The following IL6ST variants were observed in gnomAD, a reference collection of about 807,000 sequenced individuals.
IL6ST encodes interleukin-6 receptor subunit beta.
IL6ST carries 24 observed loss-of-function variants against 91.3 expected under a neutral mutation model. That is an observed-to-expected ratio of 0.26 (90% CI 0.19 to 0.37). IL6ST has a LOEUF of 0.37. Among genes scored for constraint, IL6ST ranks in the 10% least tolerant of loss-of-function variants. The pLI is 1.00. For missense variants in IL6ST, 914 were observed against 1,078.5 expected (o/e 0.85, Z 2.14); for synonymous variants, 351 against 373.6 (o/e 0.94, Z 0.70).
chr5:55,965,932 T>A (rs938868444), intron 5 of IL6ST, among the ~76,000 whole-genome samples: 3 of 151,998 alleles, frequency 2.0e-5, no homozygotes, highest in African/African-American at 7.2e-5. Context: ...AAATTTATAA[T>A]GAGAAAGAAA....
Position 55,935,867 on chromosome 5 carries a change from C to A in IL6ST, c.*5215G>T. On this transcript the variant is annotated 3_prime_UTR_variant, in exon 17 of 17. Coordinates refer to ENST00000381298, the MANE Select transcript of IL6ST (RefSeq NM_002184.4). ...CTCTCAAGGAGTTACATAATCTTTT[C>A]CAAAGCAGGATGGACTGTATCTATC... The A allele has an allele frequency of 4.6e-6, 1 of 218,156 alleles. No homozygotes were observed. The highest frequency in any genetic ancestry group is 2.2e-5 in the African/African-American group (1 of 44,594). 13.5% of individuals were successfully genotyped at this position (218,156 alleles called of 1,614,324 possible).
At chr5:55,969,925 A>G in intron 3 of IL6ST, 70 bp from the exon 4 acceptor site, 1 of 1,006,116 alleles carries the variant, frequency 9.9e-7, no homozygotes, top group Non-Finnish European at 1.5e-6. Context: ...TCTAGCTGGT[A>G]GCACTCAATG....
In IL6ST at chr5:55,974,633, C is replaced by T. The variant is rs139153837; in HGVS notation, c.64+1582G>A. Among the ~76,000 whole-genome samples, 141 of 152,042 alleles carry T rather than the reference C, an allele frequency of 9.3e-4. 1 individual carries two copies. The highest frequency in any genetic ancestry group is 3.2e-3 in the African/African-American group (131 of 41,464). Reference sequence around the variant, plus strand: ...CTGAGTAGTGGGGATTACAGGCGTGCGGCACTACCGCCTGGCTAATTTTTG... The same window carrying T: ...CTGAGTAGTGGGGATTACAGGCGTGTGGCACTACCGCCTGGCTAATTTTTG... On this transcript the variant is annotated intron_variant, in intron 3 of 16. Coordinates refer to ENST00000381298, the MANE Select transcript of IL6ST (RefSeq NM_002184.4).
chr5:55,935,617 CTTCT>C lies in IL6ST; in HGVS notation c.*5461_*5464del, dbSNP rs1750468128. ...GAGCTTCCTGCTGCTTTCACACATTCTTCTTTTTCTACCTCAGTTCCTCTTTGCT... is the reference window on the plus strand; with the variant it reads ...GAGCTTCCTGCTGCTTTCACACATTCTTTTCTACCTCAGTTCCTCTTTGCT... On this transcript the variant is annotated 3_prime_UTR_variant, in exon 17 of 17. Coordinates refer to ENST00000381298, the MANE Select transcript of IL6ST (RefSeq NM_002184.4). The C allele has an allele frequency of 4.6e-6, 1 of 218,924 alleles. No homozygotes were observed. Among genetic ancestry groups the C allele is most frequent in the Non-Finnish European group, 9.2e-6 (1 of 109,130 alleles). The allele number at this position is 218,924 out of a possible 1,614,324, so 13.6% of individuals were successfully genotyped here.
At chr5:55,965,730 C>T (rs72763901) in intron 5 of IL6ST, among the ~76,000 whole-genome samples, 2,835 of 150,934 alleles carry the variant, frequency 0.019, 42 homozygotes, top group Non-Finnish European at 0.028. Flanking sequence ...GTGGTGGGTG[C>T]CTATAATCCC....
chr5:55,992,720 T>C (rs1580880834), intron 1 of IL6ST, among the ~76,000 whole-genome samples: 1 of 152,184 alleles, frequency 6.6e-6, no homozygotes, highest in East Asian at 1.9e-4. Flanking sequence ...TTTCCCTTTA[T>C]CCAAATCCTA....
At chr5:55,970,247 C>T (rs892287989) in intron 3 of IL6ST, among the ~76,000 whole-genome samples, 1 of 152,160 alleles carries the variant, frequency 6.6e-6, no homozygotes, top group Admixed American at 6.5e-5. Context: ...CCTCTACAGT[C>T]CTGAATGCTG....
intron 15 of IL6ST, among the ~76,000 whole-genome samples, chr5:55,945,372 A>G (rs894510831): frequency 1.3e-5 from 2 of 152,296 alleles, no homozygotes; most frequent in African/African-American, 2.4e-5. Flanking sequence ...TGCTTTTGGC[A>G]AAGGTACCAA....
chr5:55,977,625 A>G (rs1339228103), intron 2 of IL6ST, among the ~76,000 whole-genome samples: 1 of 152,164 alleles, frequency 6.6e-6, no homozygotes, highest in Non-Finnish European at 1.5e-5. Flanking sequence ...CAGGAGTTCG[A>G]GACGAGCCTG....
At chr5:55,952,971 G>C (rs1751732580) in intron 11 of IL6ST, among the ~76,000 whole-genome samples, 2 of 152,106 alleles carry the variant, frequency 1.3e-5, no homozygotes, top group Non-Finnish European at 2.9e-5. Context: ...TGTGGCAGGA[G>C]AATCACTTGA....
At position 55,939,790 on chromosome 5, in the gene IL6ST, G is replaced by T. The variant is rs756121549; in HGVS notation, c.*1292C>A. ...GGTCACTTCTCCCTTGAAGAAAAAA[G>T]GTTTTAAAAATTCCTAAATCACAAT... On this transcript the variant is annotated 3_prime_UTR_variant, in exon 17 of 17. Transcript: ENST00000381298. 2 of 205,008 alleles carry T rather than the reference G, an allele frequency of 9.8e-6. No individual in the cohort carries two copies. Among genetic ancestry groups the T allele is most frequent in the Non-Finnish European group, 2.0e-5 (2 of 100,102 alleles). 12.7% of individuals were successfully genotyped at this position (205,008 alleles called of 1,614,324 possible). A position where few individuals can be genotyped will look rare whatever the true frequency, so the allele number is the denominator to read the frequency against.
chr5:55,983,284 C>T (rs959616083), intron 1 of IL6ST, among the ~76,000 whole-genome samples: 1 of 152,180 alleles, frequency 6.6e-6, no homozygotes, highest in Admixed American at 6.6e-5. Context: ...CCGCGCCCAG[C>T]CCTAGTGCTA....
At chr5:55,949,460 G>T (rs530316389) in intron 14 of IL6ST, among the ~76,000 whole-genome samples, 1 of 151,730 alleles carries the variant, frequency 6.6e-6, no homozygotes, top group South Asian at 2.1e-4. Flanking sequence ...GGGAGACAGA[G>T]CAAGACTCTG....
chr5:55,963,885 A>T (rs1270893228), intron 6 of IL6ST, among the ~76,000 whole-genome samples: 1 of 152,172 alleles, frequency 6.6e-6, no homozygotes, highest in Non-Finnish European at 1.5e-5. Flanking sequence ...TGGATTATGG[A>T]TATTTTTCTT....
chr5:55,979,819 C>G (rs547455975), intron 2 of IL6ST, among the ~76,000 whole-genome samples: 1 of 149,704 alleles, frequency 6.7e-6, no homozygotes. Flanking sequence ...TAAAACAACA[C>G]ATGTACAAAG....
rs559629226 is a variant in IL6ST, at chr5:55,941,733, C to T, written c.2106G>A (p.Lys702=). ...ATGATTTCAGATCTTCTGGAAAAGG[C>T]TTTTTGTCATTTGCTTCTATTTCCA... ...SVVEIEANDK[K]PFPEDLKSLD... The change falls in exon 17 of 17, where the codon AAG becomes AAA. Residue 702 remains lysine (K), a synonymous_variant. Coordinates refer to ENST00000381298, the MANE Select transcript of IL6ST (RefSeq NM_002184.4). 6.2e-7 allele frequency: 1 copy of T among 1,613,970 alleles called. No individual in the cohort carries two copies. The highest frequency in any genetic ancestry group is 2.2e-5 in the East Asian group (1 of 44,892).
chr5:55,941,709 T>C lies in IL6ST; in HGVS notation c.2130A>G (p.Ser710=), dbSNP rs376597375. Residue 710 remains serine, a synonymous_variant, in exon 17 of 17, where the codon TCA becomes TCG. Coordinates refer to ENST00000381298, the MANE Select transcript of IL6ST (RefSeq NM_002184.4). ...TTTTTTCCTTTTTGAACAGGTCCAA[T>C]GATTTCAGATCTTCTGGAAAAGGCT... is the stretch of plus-strand genomic sequence containing the variant. The part of the protein sequence containing the change: ...DKKPFPEDLK[S]LDLFKKEKIN... 11 of 1,613,976 alleles carry C rather than the reference T, an allele frequency of 6.8e-6. No individual in the cohort carries two copies. Among genetic ancestry groups the C allele is most frequent in the Non-Finnish European group, 8.5e-6 (10 of 1,180,020 alleles).
chr5:55,992,696 G>A (rs1283543850), intron 1 of IL6ST, among the ~76,000 whole-genome samples: 1 of 152,066 alleles, frequency 6.6e-6, no homozygotes, highest in Admixed American at 6.6e-5. Context: ...TATTATTAAT[G>A]GGCTGTCTTC....
chr5:55,987,834 C>CT (rs1561206945), intron 1 of IL6ST, among the ~76,000 whole-genome samples: 1 of 152,136 alleles, frequency 6.6e-6, no homozygotes. Context: ...ACAGGTACTA[C>CT]TATAAGAAAC....
Sources: allele counts gnomAD v4.1 joint callset (sites outside exome capture counted in the v4.1 genomes callset), GRCh38; gene constraint gnomAD v4.1.1; transcripts MANE v1.5; gene names NCBI Gene and HGNC (gene_info 2026-07-23, HGNC 2026-07-21).